RNF212: variants seen among roughly 807,000 people sequenced by gnomAD.
The protein encoded by RNF212 is probable E3 SUMO-protein ligase RNF212.
RNF212 carries 33 observed loss-of-function variants against 34.7 expected under a neutral mutation model. The ratio of observed to expected loss-of-function variants is 0.95; its 90% CI spans 0.72 to 1.27. The LOEUF (loss-of-function observed/expected upper bound fraction) is 1.27. RNF212 is among the 50% of genes most tolerant of loss of function. The pLI, the probability that RNF212 is intolerant of heterozygous loss-of-function variation, is 0.00. For missense variants in RNF212, 377 were observed against 362.2 expected (o/e 1.04, Z -0.33); for synonymous variants, 140 against 136.1 (o/e 1.03, Z -0.20).
At chr4:1,084,062 C>T (rs1720795598) in intron 5 of RNF212, among the ~76,000 whole-genome samples, 1 of 151,488 alleles carries the variant, frequency 6.6e-6, no homozygotes, top group African/African-American at 2.4e-5. Context: ...GATTCTCCTG[C>T]CTCAGCCTCC....
intron 2 of RNF212, among the ~76,000 whole-genome samples, chr4:1,098,988 A>C (rs1274386711): frequency 1.3e-5 from 2 of 152,198 alleles, no homozygotes; most frequent in Non-Finnish European, 2.9e-5. Context: ...AGGGGGACTG[A>C]GTCATTCTAC....
intron 8 of RNF212, among the ~76,000 whole-genome samples, chr4:1,077,624 CCTT>C (rs1276984090): frequency 6.6e-6 from 1 of 152,242 alleles, no homozygotes; most frequent in Non-Finnish European, 1.5e-5. Flanking sequence ...AGTTCTTCCT[CCTT>C]AAGCTGTGGG....
intron 2 of RNF212, among the ~76,000 whole-genome samples, chr4:1,102,774 C>A (rs1427165197): frequency 2.0e-5 from 3 of 151,922 alleles, no homozygotes; most frequent in Middle Eastern, 3.4e-3. Context: ...ATGGCGTGAA[C>A]CCGGGAGGTG....
At chr4:1,092,988 ACCAGGG>A (rs1722437568) in intron 3 of RNF212, among the ~76,000 whole-genome samples, 3 of 59,566 alleles carry the variant, frequency 5.0e-5, no homozygotes, top group Non-Finnish European at 1.5e-4. Flanking sequence ...CTACGCCAGG[ACCAGGG>A]TCTGCGTGCT....
intron 3 of RNF212, chr4:1,093,899 T>C (rs1172444250): frequency 6.5e-7 from 1 of 1,536,004 alleles, no homozygotes; most frequent in Non-Finnish European, 8.7e-7. Context: ...GACCCAGTGT[T>C]CTTGGGGATC....
chr4:1,076,502 C>G (rs534655003), intron 8 of RNF212, among the ~76,000 whole-genome samples: 2 of 152,252 alleles, frequency 1.3e-5, no homozygotes, highest in South Asian at 2.1e-4. Flanking sequence ...AGGTTCACCT[C>G]GAGAGAGGCC....
At position 1,081,459 on chromosome 4, in the gene RNF212, G is replaced by A; in HGVS notation, c.424C>T (p.His142Tyr). The A allele has an allele frequency of 6.2e-7, 1 of 1,613,960 alleles. No individual in the cohort carries two copies. Among genetic ancestry groups the A allele is most frequent in the Non-Finnish European group, 8.5e-7 (1 of 1,179,904 alleles). Residue 142 changes from histidine (H) to tyrosine (Y), a missense_variant, in exon 7 of 10, where the codon CAC becomes TAC. By Grantham distance (83) the His-to-Tyr change is moderately conservative (BLOSUM62 2). Coordinates refer to ENST00000433731, the MANE Select transcript of RNF212 (RefSeq NM_001131034.4). The part of the protein sequence containing the change: ...TIKSSVSTKP[H>Y]GCLLPPHSSA... The stretch of plus-strand genomic sequence containing the variant: ...GAGTGAGGTGGCAGCAGGCATCCGT[G>A]TGGTTTTGCTGGAAGAGTGATGACG...
intron 1 of RNF212, among the ~76,000 whole-genome samples, chr4:1,111,943 ATAAACTTTGCTAATCCCACATTT>A (rs1415477806): frequency 6.6e-6 from 1 of 152,242 alleles, no homozygotes; most frequent in East Asian, 1.9e-4. Context: ...AAATACAATG[ATAAACTTTGCTAATCCCACATTT>A]CGGGAGGCCA....
chr4:1,084,848 A>G (rs1473547350), intron 5 of RNF212, among the ~76,000 whole-genome samples: 2 of 152,006 alleles, frequency 1.3e-5, no homozygotes, highest in African/African-American at 4.8e-5. Context: ...ACACAAGCCC[A>G]TGGCAACTCT....
chr4:1,070,430 G>A (rs1718388426), downstream of RNF212, among the ~76,000 whole-genome samples: 2 of 144,370 alleles, frequency 1.4e-5, no homozygotes, highest in South Asian at 2.3e-4. Context: ...CTGTGTCAGC[G>A]TGGACGCCTG....
intron 3 of RNF212, among the ~76,000 whole-genome samples, chr4:1,060,689 T>A (rs1229979768): frequency 2.0e-5 from 3 of 152,254 alleles, no homozygotes; most frequent in African/African-American, 4.8e-5. Flanking sequence ...AATTTCACCA[T>A]CTGGATGCCC....
intron 3 of RNF212, among the ~76,000 whole-genome samples, chr4:1,092,738 C>G (rs1722384476): frequency 1.3e-5 from 2 of 152,230 alleles, no homozygotes; most frequent in Admixed American, 6.5e-5. Flanking sequence ...CAGCCCAGGG[C>G]CCCAAGGAAG....
intron 1 of RNF212, among the ~76,000 whole-genome samples, chr4:1,109,247 A>G (rs573102403): frequency 6.6e-6 from 1 of 152,266 alleles, no homozygotes; most frequent in East Asian, 1.9e-4. Context: ...ACCTCAGGTG[A>G]TCAGCCCACA....
chr4:1,094,679 G>A (rs1722769226), intron 3 of RNF212, among the ~76,000 whole-genome samples: 1 of 152,160 alleles, frequency 6.6e-6, no homozygotes, highest in Non-Finnish European at 1.5e-5. Flanking sequence ...GGGGATTGGA[G>A]GCCTGGGAGG....
downstream of RNF212, chr4:1,071,328 A>G (rs1438519808): frequency 1.3e-5 from 2 of 152,152 alleles, no homozygotes; most frequent in Non-Finnish European, 2.9e-5. Flanking sequence ...AAGTATTTTC[A>G]AAATAAATTA....
chr4:1,106,914 T>TA (rs1484362556), intron 2 of RNF212, among the ~76,000 whole-genome samples: 2 of 152,200 alleles, frequency 1.3e-5, no homozygotes, highest in African/African-American at 2.4e-5. Context: ...AGATATTGGT[T>TA]AAAAATGTTC....
intron 8 of RNF212, among the ~76,000 whole-genome samples, chr4:1,074,992 T>C (rs1403020385): frequency 6.6e-5 from 10 of 152,202 alleles, no homozygotes. Flanking sequence ...CGAACTACAT[T>C]CCATTTGCTG....
intron 4 of RNF212, among the ~76,000 whole-genome samples, chr4:1,057,953 C>T (rs1012197415): frequency 1.1e-4 from 16 of 151,846 alleles, no homozygotes; most frequent in African/African-American, 2.9e-4. Flanking sequence ...CCCAGCTACT[C>T]GGGAGGCTGA....
downstream of RNF212, among the ~76,000 whole-genome samples, chr4:1,071,024 T>C (rs1718444391): frequency 6.6e-6 from 1 of 151,998 alleles, no homozygotes. Flanking sequence ...AAATAAATTA[T>C]TTTAAAAAAC....
Sources: allele counts gnomAD v4.1 joint callset (sites outside exome capture counted in the v4.1 genomes callset), GRCh38; gene constraint gnomAD v4.1.1; transcripts MANE v1.5; gene names NCBI Gene and HGNC (gene_info 2026-07-23, HGNC 2026-07-21).